MSRA: variants seen among roughly 807,000 people sequenced by gnomAD.
The protein encoded by MSRA is mitochondrial peptide methionine sulfoxide reductase.
MSRA carries 54 observed loss-of-function variants against 31.3 expected under a neutral mutation model. The ratio of observed to expected loss-of-function variants is 1.73; its 90% CI spans 1.39 to 2.17. The LOEUF (loss-of-function observed/expected upper bound fraction) is 2.17, where lower values mean the gene tolerates loss of function less well. Ranked by LOEUF, MSRA falls within the 30% of genes most tolerant of loss-of-function variation. MSRA has a pLI of 0.00. For missense variants in MSRA, 507 were observed against 300.9 expected (o/e 1.69, Z -5.07); for synonymous variants, 169 against 116.5 (o/e 1.45, Z -2.90).
At chr8:10,063,630 G>A (rs1195327853) in intron 1 of MSRA, among the ~76,000 whole-genome samples, 1 of 152,202 alleles carries the variant, frequency 6.6e-6, no homozygotes, top group Admixed American at 6.5e-5. Flanking sequence ...ACACGCATGA[G>A]TGGGATTAGT....
At chr8:10,149,815 G>C (rs1173122305) in intron 1 of MSRA, among the ~76,000 whole-genome samples, 1 of 9,284 alleles carries the variant, frequency 1.1e-4, no homozygotes, top group African/African-American at 2.1e-4. Flanking sequence ...AGAAGCACTA[G>C]TTTGTGGCAC....
intron 1 of MSRA, among the ~76,000 whole-genome samples, chr8:10,202,526 C>T (rs1563213443): frequency 6.6e-6 from 1 of 152,236 alleles, no homozygotes; most frequent in Non-Finnish European, 1.5e-5. Flanking sequence ...GATTTCATCA[C>T]ACATGATGCC....
rs79627392 is a variant in MSRA at position 10,194,264 on chromosome 8, C to T, written c.143-13569C>T. Among the ~76,000 whole-genome samples the T allele has an allele frequency of 2.6e-3, 400 of 152,270 alleles. 2 individuals carry two copies. The highest frequency in any genetic ancestry group is 9.0e-3 in the African/African-American group (375 of 41,536). ...TTGATCCTCTTAAAATCCTTCCCCCCCTTAAAAAGAAGATAATTAAGGCTA... is the reference window on the plus strand; with the variant it reads ...TTGATCCTCTTAAAATCCTTCCCCCTCTTAAAAAGAAGATAATTAAGGCTA... On this transcript the variant is annotated intron_variant, in intron 1 of 5. Coordinates refer to ENST00000317173, the MANE Select transcript of MSRA (RefSeq NM_012331.5).
At chr8:10,401,606 C>G (rs973935981) in intron 5 of MSRA, among the ~76,000 whole-genome samples, 2 of 152,118 alleles carry the variant, frequency 1.3e-5, no homozygotes, top group Non-Finnish European at 2.9e-5. Flanking sequence ...AACCTGTACA[C>G]CTGTGTTCTT....
chr8:10,067,149 T>A (rs1268246968), intron 1 of MSRA, among the ~76,000 whole-genome samples: 2 of 152,182 alleles, frequency 1.3e-5, no homozygotes, highest in Non-Finnish European at 1.5e-5. Context: ...GCCTTAAAAG[T>A]CCTCTGTGCT....
intron 1 of MSRA, among the ~76,000 whole-genome samples, chr8:10,177,621 A>G (rs911656648): frequency 1.3e-5 from 2 of 152,212 alleles, no homozygotes; most frequent in East Asian, 3.9e-4. Context: ...TATTTGCTAC[A>G]TGTTTTGGTG....
chr8:10,088,191 A>G (rs947611318), intron 1 of MSRA, among the ~76,000 whole-genome samples: 4 of 152,190 alleles, frequency 2.6e-5, no homozygotes, highest in Non-Finnish European at 5.9e-5. Context: ...CCATGCTACC[A>G]TCTGTAACCA....
chr8:10,297,863 A>G (rs1800627275), intron 3 of MSRA, among the ~76,000 whole-genome samples: 1 of 152,190 alleles, frequency 6.6e-6, no homozygotes, highest in South Asian at 2.1e-4. Flanking sequence ...GCTGTCATGA[A>G]AGAAGAGCCT....
At chr8:10,403,153 G>T (rs1197422952) in intron 5 of MSRA, among the ~76,000 whole-genome samples, 1 of 152,154 alleles carries the variant, frequency 6.6e-6, no homozygotes, top group Non-Finnish European at 1.5e-5. Context: ...ATGTCCCAGG[G>T]CTGGCTTGGA....
chr8:10,387,105 C>T (rs1291604988), intron 5 of MSRA, among the ~76,000 whole-genome samples: 2 of 152,132 alleles, frequency 1.3e-5, no homozygotes, highest in Non-Finnish European at 2.9e-5. Flanking sequence ...TGCCTGCTGC[C>T]TGCTGCCTGC....
At chr8:10,106,754 G>C (rs1213047565) in intron 1 of MSRA, among the ~76,000 whole-genome samples, 4 of 152,074 alleles carry the variant, frequency 2.6e-5, no homozygotes, top group Non-Finnish European at 5.9e-5. Flanking sequence ...GTGCTTTTAT[G>C]GTAGCCTCTC....
intron 5 of MSRA, among the ~76,000 whole-genome samples, chr8:10,424,073 T>C (rs1212758476): frequency 6.6e-6 from 1 of 152,046 alleles, no homozygotes; most frequent in African/African-American, 2.4e-5. Context: ...CACGCGAACA[T>C]AGTATGTGGA....
chr8:10,094,011 C>G (rs894666697), intron 1 of MSRA, among the ~76,000 whole-genome samples: 1 of 152,138 alleles, frequency 6.6e-6, no homozygotes, highest in Non-Finnish European at 1.5e-5. Flanking sequence ...CGTGATGAGT[C>G]GCTTCTCCAA....
intron 1 of MSRA, among the ~76,000 whole-genome samples, chr8:10,099,842 C>CT (rs1799418191): frequency 6.6e-6 from 1 of 152,208 alleles, no homozygotes; most frequent in Admixed American, 6.5e-5. Flanking sequence ...GGCCAGCCCT[C>CT]TGTTGTCTTG....
chr8:10,134,389 C>T (rs1226213665), intron 1 of MSRA, among the ~76,000 whole-genome samples: 3 of 152,364 alleles, frequency 2.0e-5, no homozygotes, highest in Non-Finnish European at 4.4e-5. Context: ...AGGCAGCAGA[C>T]AGACTGCAGA....
intron 5 of MSRA, among the ~76,000 whole-genome samples, chr8:10,355,695 T>C (rs1421290862): frequency 1.3e-5 from 2 of 152,124 alleles, no homozygotes; most frequent in East Asian, 3.9e-4. Flanking sequence ...CCTAGTAGCT[T>C]TCCTGGGTGC....
intron 5 of MSRA, among the ~76,000 whole-genome samples, chr8:10,355,325 C>T (rs77808597): frequency 3.9e-5 from 6 of 152,182 alleles, no homozygotes; most frequent in Admixed American, 1.3e-4. Context: ...GTCAGAGACT[C>T]GGGATTTTTG....
chr8:10,081,587 T>A (rs1448060560), intron 1 of MSRA, among the ~76,000 whole-genome samples: 3 of 152,162 alleles, frequency 2.0e-5, no homozygotes, highest in Non-Finnish European at 4.4e-5. Flanking sequence ...CCTCCCGGGT[T>A]GAAGCAGTTC....
At chr8:10,343,877 C>A (rs564357812) in intron 5 of MSRA, among the ~76,000 whole-genome samples, 1 of 152,314 alleles carries the variant, frequency 6.6e-6, no homozygotes, top group Admixed American at 6.5e-5. Flanking sequence ...ACTCCGTATG[C>A]TACCTCAGAT....
Sources: gnomAD v4.1 joint callset for allele counts (sites outside exome capture counted in the v4.1 genomes callset) on GRCh38, gnomAD v4.1.1 for gene constraint, MANE v1.5 for transcripts, NCBI Gene and HGNC (gene_info 2026-07-23, HGNC 2026-07-21) for gene names.